PRICKLE2: variants seen among roughly 807,000 people sequenced by gnomAD.
PRICKLE2 encodes prickle planar cell polarity protein 2, also known as prickle-like protein 2.
In PRICKLE2, 21 loss-of-function variants were observed where a neutral mutation model predicts 81.4. That is an observed-to-expected ratio of 0.26 (90% CI 0.18 to 0.37). PRICKLE2 has a LOEUF of 0.37. PRICKLE2 is among the 10% of genes least tolerant of loss of function. The probability of loss-of-function intolerance (pLI) is 1.00; values close to 1 mark genes in which losing one functional copy is unlikely to be tolerated. For synonymous variants in PRICKLE2, 456 were observed against 421.5 expected, an observed-to-expected ratio of 1.08 and a Z score of -1.00; for missense variants, 940 against 1,109.0, an observed-to-expected ratio of 0.85 and a Z score of 2.16.
At position 64,255,195 on chromosome 3, in the gene PRICKLE2, T is replaced by C. The variant is rs181116113; in HGVS notation, c.129-56228A>G. ...TGCTTTCATTCCATGTCCCATGTCT[T>C]CCCTCCATGCACAAGTTTACTCTCT... On this transcript the variant is annotated intron_variant, in intron 2 of 8. Transcript: ENST00000295902. Among the ~76,000 whole-genome samples the C allele has an allele frequency of 9.2e-5, 14 of 152,294 alleles. No individual in the cohort carries two copies. In the East Asian group the frequency reaches 2.7e-3, roughly 29 times the overall value.
intron 1 of PRICKLE2, chr3:64,200,988 G>A (rs1028522944): frequency 7.4e-5 from 11 of 147,894 alleles, no homozygotes; most frequent in African/African-American, 2.8e-4. Context: ...GGAGTGCAGT[G>A]GCACGATCTC....
intron 2 of PRICKLE2, among the ~76,000 whole-genome samples, chr3:64,175,366 T>C (rs1393447365): frequency 1.3e-5 from 2 of 152,218 alleles, no homozygotes; most frequent in Non-Finnish European, 2.9e-5. Context: ...AGTGGAAATA[T>C]CTTGATGGCT....
intron 1 of PRICKLE2, among the ~76,000 whole-genome samples, chr3:64,224,394 G>T (rs1176159139): frequency 6.6e-6 from 1 of 152,154 alleles, no homozygotes; most frequent in Non-Finnish European, 1.5e-5. Flanking sequence ...GTTCAGCCAG[G>T]CTATGCAGTC....
chr3:64,112,345 G>A (rs2076861823), intron 7 of PRICKLE2, among the ~76,000 whole-genome samples: 1 of 152,140 alleles, frequency 6.6e-6, no homozygotes. Flanking sequence ...ACTCCTTTAG[G>A]CTTGGGATCT....
rs4688440 is a variant in PRICKLE2, at chr3:64,263,723, T to C, written c.129-64756A>G. 8.3e-3 allele frequency among the ~76,000 whole-genome samples: 1,263 copies of C among 152,200 alleles called. 70 individuals are homozygous for C. The highest frequency in any genetic ancestry group is 0.077 in the Admixed American group (1,176 of 15,294). ...ACCTACATCCAGGTAGAAAGGGCCC[T>C]TGATGGAAACATAACTGTCTTAAGA... On this transcript the variant is annotated intron_variant, in intron 2 of 8. Transcript: ENST00000295902.
At chr3:64,106,320 G>A (rs1048425094) in intron 7 of PRICKLE2, among the ~76,000 whole-genome samples, 2 of 152,154 alleles carry the variant, frequency 1.3e-5, no homozygotes, top group African/African-American at 2.4e-5. Context: ...CCAGCTCACC[G>A]CTCACTGCCT....
intron 6 of PRICKLE2, among the ~76,000 whole-genome samples, chr3:64,150,372 A>C (rs2077525842): frequency 6.6e-6 from 1 of 152,026 alleles, no homozygotes; most frequent in South Asian, 2.1e-4. Flanking sequence ...AGTACTTGGT[A>C]ATGGAGTTAA....
chr3:64,228,298 G>A (rs2079056114), upstream of PRICKLE2, among the ~76,000 whole-genome samples: 1 of 152,178 alleles, frequency 6.6e-6, no homozygotes, highest in Non-Finnish European at 1.5e-5. Context: ...AATGGGGTGT[G>A]TGTTATGGCA....
At chr3:64,233,104 A>G (rs1344393323) in intron 2 of PRICKLE2, among the ~76,000 whole-genome samples, 1 of 152,086 alleles carries the variant, frequency 6.6e-6, no homozygotes, top group Non-Finnish European at 1.5e-5. Flanking sequence ...GACACTGAAC[A>G]TTTTCCAGCC....
At chr3:64,101,121 G>C (rs1361899238) in intron 7 of PRICKLE2, 2 of 152,166 alleles carry the variant, frequency 1.3e-5, no homozygotes, top group African/African-American at 4.8e-5. Context: ...AATATCCTTG[G>C]CCATTTTTTG....
chr3:64,180,974 C>T (rs2078120892), intron 2 of PRICKLE2, among the ~76,000 whole-genome samples: 1 of 152,180 alleles, frequency 6.6e-6, no homozygotes, highest in Non-Finnish European at 1.5e-5. Context: ...AACTTTCCTT[C>T]TGTTTTTAAT....
upstream of PRICKLE2, among the ~76,000 whole-genome samples, chr3:64,226,510 A>C (rs923624483): frequency 6.6e-6 from 1 of 152,236 alleles, no homozygotes; most frequent in Non-Finnish European, 1.5e-5. Context: ...TGCCATGCAC[A>C]GCTCTAAAGG....
intron 1 of PRICKLE2, among the ~76,000 whole-genome samples, chr3:64,217,145 C>T (rs559249968): frequency 1.3e-5 from 2 of 152,258 alleles, no homozygotes; most frequent in African/African-American, 2.4e-5. Context: ...CTACAGAAAA[C>T]AGCCCCTTGT....
chr3:64,187,597 A>G (rs1192645657), intron 2 of PRICKLE2: 1 of 152,280 alleles, frequency 6.6e-6, no homozygotes, highest in Non-Finnish European at 1.5e-5. Context: ...AACACTCTGC[A>G]AATGGCTGGT....
At position 64,124,016 on chromosome 3, in the gene PRICKLE2, G is replaced by C. The variant is rs145121257; in HGVS notation, c.1660+22814C>G. On this transcript the variant is annotated intron_variant, in intron 7 of 7. Coordinates refer to ENST00000638394, the MANE Select transcript of PRICKLE2 (RefSeq NM_198859.4). Reference sequence around the variant, plus strand: ...GAAAGTCAAGACAGGCCAAAAGCTAGGCCTCTTGCACCAGTTAGCCAAATT... The same window carrying C: ...GAAAGTCAAGACAGGCCAAAAGCTACGCCTCTTGCACCAGTTAGCCAAATT... Among the ~76,000 whole-genome samples the C allele has an allele frequency of 1.9e-3, 289 of 152,256 alleles. 1 individual carries two copies. The highest frequency in any genetic ancestry group is 0.017 in the East Asian group (86 of 5,192).
rs944788017 is a variant in PRICKLE2, at chr3:64,094,999, C to G, written c.*4052G>C. The stretch of plus-strand genomic sequence containing the variant: ...CCACTTTCCTTTGTCATGGACGGAT[C>G]TTCCTTCTTAGGCTTAAGCATCTGT... On this transcript the variant is annotated 3_prime_UTR_variant, in exon 8 of 8. Coordinates refer to ENST00000638394, the MANE Select transcript of PRICKLE2 (RefSeq NM_198859.4). 3.9e-5 allele frequency: 6 copies of G among 152,652 alleles called. No individual in the cohort carries two copies. Among genetic ancestry groups the G allele is most frequent in the African/African-American group, 1.4e-4 (6 of 41,462 alleles). 9.5% of individuals were successfully genotyped at this position (152,652 alleles called of 1,614,324 possible). A position where few individuals can be genotyped will look rare whatever the true frequency, so the allele number is the denominator to read the frequency against.
chr3:64,207,702 C>T (rs573694201), intron 1 of PRICKLE2, among the ~76,000 whole-genome samples: 1 of 152,096 alleles, frequency 6.6e-6, no homozygotes, highest in Admixed American at 6.5e-5. Flanking sequence ...ACGGGTATCA[C>T]AGAGTTAAAA....
At chr3:64,103,613 C>A (rs919238340) in intron 7 of PRICKLE2, 2 of 152,120 alleles carry the variant, frequency 1.3e-5, no homozygotes, top group Admixed American at 6.5e-5. Flanking sequence ...TGTAAAAATT[C>A]ACTGAGATGT....
intron 1 of PRICKLE2, among the ~76,000 whole-genome samples, chr3:64,217,500 C>T (rs989925649): frequency 2.0e-5 from 3 of 152,092 alleles, no homozygotes; most frequent in Non-Finnish European, 4.4e-5. Flanking sequence ...CATTCACATT[C>T]GTAAGAACGA....
Sources: allele counts gnomAD v4.1 joint callset (sites outside exome capture counted in the v4.1 genomes callset), GRCh38; gene constraint gnomAD v4.1.1; transcripts MANE v1.5; gene names NCBI Gene and HGNC (gene_info 2026-07-23, HGNC 2026-07-21).